Variants in RXRA observed in about 807,000 individuals in gnomAD.
RXRA encodes the protein retinoic acid receptor RXR-alpha.
A neutral mutation model predicts 44.5 loss-of-function variants in RXRA; 5 were observed. The observed-to-expected ratio is 0.11, with a 90% CI of 0.06 to 0.24. The LOEUF (loss-of-function observed/expected upper bound fraction) is 0.24, where lower values mean the gene tolerates loss of function less well. RXRA is among the 10% of genes least tolerant of loss of function. The probability of loss-of-function intolerance (pLI) is 1.00; values close to 1 mark genes in which losing one functional copy is unlikely to be tolerated. For missense variants in RXRA, 412 were observed against 646.5 expected (o/e 0.64, Z 3.93); for synonymous variants, 291 against 271.4 (o/e 1.07, Z -0.71).
chr9:134,337,309 C>T lies in RXRA; in HGVS notation c.28+10650C>T, dbSNP rs142842164. 2.0e-5 allele frequency among the ~76,000 whole-genome samples: 3 copies of T among 152,294 alleles called. No homozygotes were observed. In the East Asian group the frequency reaches 5.8e-4, roughly 29 times the overall value. On this transcript the variant is annotated intron_variant, in intron 1 of 9. Coordinates refer to ENST00000481739, the MANE Select transcript of RXRA (RefSeq NM_002957.6). ...CCCACCTGCCTGCTGTCTGTCCGTC[C>T]GCTCATCTGTCTGTCCGTCCGTCCA... is the stretch of plus-strand genomic sequence containing the variant.
rs560192120 is a variant in RXRA at position 134,407,676 on chromosome 9, G to C, written c.280-473G>C. 6.6e-6 allele frequency among the ~76,000 whole-genome samples: 1 copy of C among 152,028 alleles called. No homozygotes were observed. The highest frequency in any genetic ancestry group is 1.5e-5 in the Non-Finnish European group (1 of 67,980). ...GGGGTGTATGTGTGGTTCTTGGGGG[G>C]GTCCCCAGCCCTCCTCCGTCCTGGG... On this transcript the variant is annotated intron_variant, in intron 2 of 9. Coordinates refer to ENST00000481739, the MANE Select transcript of RXRA (RefSeq NM_002957.6). This position sits in a 1 kb window ranked among gnomAD's most constrained non-coding sequence, Gnocchi z 4.8.
chr9:134,425,052 G>A (rs1233337681), intron 6 of RXRA: 6 of 985,332 alleles, frequency 6.1e-6, no homozygotes, highest in South Asian at 4.7e-5. Flanking sequence ...TCCCACCATC[G>A]TGAGAGCCAT....
At position 134,428,411 on chromosome 9, in the gene RXRA, C is replaced by G. The variant is rs530986581; in HGVS notation, c.911-697C>G. Among the ~76,000 whole-genome samples, 517 of 135,956 alleles carry G rather than the reference C, an allele frequency of 3.8e-3. 4 individuals are homozygous for G. The highest frequency in any genetic ancestry group is 0.014 in the African/African-American group (495 of 35,314). 89.2% of individuals were successfully genotyped at this position (135,956 alleles called of 152,430 possible). ...ATGTTGAGAGGCTGCTGTTACCTAA[C>G]CACCCGCCCCAGGGAACCCCCACTA... On this transcript the variant is annotated intron_variant, in intron 6 of 9. Coordinates refer to ENST00000481739, the MANE Select transcript of RXRA (RefSeq NM_002957.6).
In RXRA at chr9:134,408,269, A is replaced by G. The variant is rs1163418709; in HGVS notation, c.400A>G (p.Ile134Val). Residue 134 changes from isoleucine (I) to valine (V), a missense_variant, in exon 3 of 10, where the codon ATC becomes GTC. Around this residue, in one of 4 missense-constraint regions of RXRA, gnomAD observed 156 missense variants for 177.2 expected, o/e 0.88. Transcript: ENST00000481739. ...AAACATGGCTTCCTTCACCAAGCAC[A>G]TCTGCGCCATCTGCGGGGACCGCTC... ...SGNMASFTKH[I>V]CAICGDRSSG... 7.5e-6 allele frequency: 12 copies of G among 1,609,944 alleles called. No individual in the cohort carries two copies. Among genetic ancestry groups the G allele is most frequent in the Non-Finnish European group, 1.0e-5 (12 of 1,178,640 alleles).
rs1564303376 is a variant in RXRA at position 134,439,145 on chromosome 9, T to C, written c.*2531T>C. 6.6e-6 allele frequency: 1 copy of C among 152,346 alleles called. No individual in the cohort carries two copies. Among genetic ancestry groups the C allele is most frequent in the East Asian group, 1.9e-4 (1 of 5,182 alleles). 9.4% of individuals were successfully genotyped at this position (152,346 alleles called of 1,614,324 possible). A position where few individuals can be genotyped will look rare whatever the true frequency, so the allele number is the denominator to read the frequency against. Reference sequence around the variant, plus strand: ...TTAAGGTGATTTTTTGTAATTATTATTATTTTGGTGGGACAATCTTTAATT... The same window carrying C: ...TTAAGGTGATTTTTTGTAATTATTACTATTTTGGTGGGACAATCTTTAATT... On this transcript the variant is annotated 3_prime_UTR_variant, in exon 10 of 10. Transcript: ENST00000481739.
chr9:134,414,329 C>T (rs1273227253), intron 4 of RXRA, among the ~76,000 whole-genome samples: 6 of 152,264 alleles, frequency 3.9e-5, no homozygotes, highest in Admixed American at 1.3e-4. Context: ...TGCCCTGGGG[C>T]TACCTCTGAG....
intron 4 of RXRA, among the ~76,000 whole-genome samples, chr9:134,409,652 G>A (rs781202377): frequency 6.6e-5 from 10 of 152,190 alleles, no homozygotes; most frequent in Non-Finnish European, 1.5e-4. Flanking sequence ...TCGGAGTCCC[G>A]GGCCCCACAG....
chr9:134,345,051 G>A (rs782567662), intron 1 of RXRA, among the ~76,000 whole-genome samples: 4 of 152,160 alleles, frequency 2.6e-5, no homozygotes, highest in Non-Finnish European at 5.9e-5. Flanking sequence ...CCCAGTGCTC[G>A]AGCTGCAGTG....
intron 4 of RXRA, among the ~76,000 whole-genome samples, chr9:134,416,110 G>A (rs1831230341): frequency 6.6e-6 from 1 of 152,146 alleles, no homozygotes; most frequent in South Asian, 2.1e-4. Flanking sequence ...CATAAGCCAA[G>A]TGGACTCTTC....
chr9:134,328,533 C>T (rs1554746294), intron 1 of RXRA, among the ~76,000 whole-genome samples: 1 of 152,200 alleles, frequency 6.6e-6, no homozygotes, highest in Non-Finnish European at 1.5e-5. Flanking sequence ...CCCATGGCCT[C>T]CCAGGCAGCC....
At chr9:134,376,595 T>C (rs67816242) in intron 1 of RXRA, among the ~76,000 whole-genome samples, 111,139 of 151,888 alleles carry the variant, frequency 0.73, 40,944 homozygotes, top group East Asian at 0.81. Flanking sequence ...CTTGCCGCGT[T>C]CTCTGTCTAT....
At chr9:134,385,709 G>A (rs1830709967) in intron 1 of RXRA, among the ~76,000 whole-genome samples, 2 of 152,240 alleles carry the variant, frequency 1.3e-5, no homozygotes, top group South Asian at 4.1e-4. Flanking sequence ...ACAAGGACAG[G>A]CACCCTGCAT....
In RXRA at chr9:134,427,109, G is replaced by A. The variant is rs1831446625; in HGVS notation, c.911-1999G>A. On this transcript the variant is annotated intron_variant, in intron 6 of 9. Transcript: ENST00000481739. ...GATTACCCACATGTCAGATTGAGGGGGCCTCTTCTAGATTAGACTTCTCCC... is the reference window on the plus strand; with the variant it reads ...GATTACCCACATGTCAGATTGAGGGAGCCTCTTCTAGATTAGACTTCTCCC... 1.0e-5 allele frequency: 10 copies of A among 984,632 alleles called. 1 individual carries two copies. In the South Asian group the frequency reaches 4.2e-4, roughly 42 times the overall value. The allele number at this position is 984,632 out of a possible 1,614,324, so 61.0% of individuals were successfully genotyped here.
At chr9:134,418,228 G>T (rs34151195) in intron 5 of RXRA, among the ~76,000 whole-genome samples, 15,126 of 152,180 alleles carry the variant, frequency 0.099, 2,456 homozygotes, top group African/African-American at 0.34. Context: ...GGTGGCTCCA[G>T]CTGTGCCCGG....
chr9:134,381,960 C>T (rs187637386), intron 1 of RXRA, among the ~76,000 whole-genome samples: 2 of 152,244 alleles, frequency 1.3e-5, no homozygotes, highest in African/African-American at 2.4e-5. Context: ...GTGAAGCCAC[C>T]GCTCCCTCGG....
In RXRA at chr9:134,401,775, A is replaced by G. The variant is rs748087594; in HGVS notation, c.172A>G (p.Ile58Val). ...TCCCATCAGCACCCTGAGCTCCCCC[A>G]TCAACGGCATGGGCCCGCCTTTCTC... Reference protein sequence around the residue: ...HSPISTLSSPINGMGPPFSVI... With the variant: ...HSPISTLSSPVNGMGPPFSVI... Residue 58 changes from isoleucine (I) to valine (V), a missense_variant, in exon 2 of 10, where the codon ATC (isoleucine) becomes GTC (valine). Physicochemically the swap from Ile to Val is conservative, Grantham distance 29 (BLOSUM62 3). This residue lies in a region of RXRA where 156 missense variants were observed against 177.2 expected (regional missense o/e 0.88). Transcript: ENST00000481739. 2 of 1,612,892 alleles carry G rather than the reference A, an allele frequency of 1.2e-6. No individual in the cohort carries two copies. Among genetic ancestry groups the G allele is most frequent in the Middle Eastern group, 1.6e-4 (1 of 6,062 alleles).
At chr9:134,422,395 C>T (rs1403678900) in intron 6 of RXRA, 2 of 1,277,642 alleles carry the variant, frequency 1.6e-6, no homozygotes, top group Non-Finnish European at 1.0e-6. Context: ...CCGGGACACT[C>T]CCCCGTCCCG....
intron 6 of RXRA, chr9:134,423,912 C>T (rs1315762177): frequency 1.0e-6 from 1 of 985,430 alleles, no homozygotes; most frequent in African/African-American, 1.7e-5. Context: ...CAGAGAACAG[C>T]TGGCCGCACG....
At chr9:134,358,288 C>T (rs1017596854) in intron 1 of RXRA, among the ~76,000 whole-genome samples, 5 of 152,200 alleles carry the variant, frequency 3.3e-5, no homozygotes, top group African/African-American at 1.2e-4. Flanking sequence ...AGGCCGCCAC[C>T]ATCCACTTTC....
Sources: gnomAD v4.1 joint callset for allele counts (sites outside exome capture counted in the v4.1 genomes callset) on GRCh38, gnomAD v4.1.1 for gene constraint, gnomAD v4.1.1 regional missense constraint, Gnocchi (gnomAD v3.1) non-coding constraint, MANE v1.5 for transcripts, NCBI Gene and HGNC (gene_info 2026-07-23, HGNC 2026-07-21) for gene names.